The following REV1 variants were observed in gnomAD, a reference collection of about 807,000 sequenced individuals.
The protein encoded by REV1 is REV1 DNA directed polymerase, also known as translesion synthesis protein REV1.
REV1 carries 42 observed loss-of-function variants against 137.4 expected under a neutral mutation model. The observed-to-expected ratio is 0.31, with a 90% CI of 0.24 to 0.40. REV1 has a LOEUF of 0.40. Among genes scored for constraint, REV1 ranks in the 10% least tolerant of loss-of-function variants. The pLI, the probability that REV1 is intolerant of heterozygous loss-of-function variation, is 1.00. For synonymous variants in REV1, 524 were observed against 519.2 expected, an observed-to-expected ratio of 1.01 and a Z score of -0.12; for missense variants, 1,282 against 1,490.1, an observed-to-expected ratio of 0.86 and a Z score of 2.30.
Position 99,408,069 on chromosome 2 carries a change from A to T in REV1, c.2408T>A (p.Met803Lys). 6.2e-7 allele frequency: 1 copy of T among 1,610,548 alleles called. No individual in the cohort carries two copies. The highest frequency in any genetic ancestry group is 8.5e-7 in the Non-Finnish European group (1 of 1,178,146). The part of the protein sequence containing the change: ...AKIIGKAMLN[M>K]FHTMKLNISD... ...TATATTTAGTTTCATTGTATGAAAC[A>T]TGTTTAGCATCGCCTTTCCAATTAT... is the stretch of plus-strand genomic sequence containing the variant. Residue 803 changes from methionine to lysine, a missense_variant, in exon 15 of 23, where the codon ATG (methionine) becomes AAG (lysine). Met to Lys is a moderately conservative substitution (Grantham distance 95, BLOSUM62 -1). Coordinates refer to ENST00000258428, the MANE Select transcript of REV1 (RefSeq NM_016316.4).
intron 1 of REV1, among the ~76,000 whole-genome samples, chr2:99,475,172 G>C (rs1040551920): frequency 1.3e-5 from 2 of 152,146 alleles, no homozygotes; most frequent in Non-Finnish European, 2.9e-5. Context: ...AGGAACAAAG[G>C]AGACAGGGTC....
intron 1 of REV1, among the ~76,000 whole-genome samples, chr2:99,489,493 G>A (rs1471113360): frequency 7.1e-6 from 1 of 139,898 alleles, no homozygotes; most frequent in African/African-American, 2.7e-5. Flanking sequence ...GCGGAGGGAA[G>A]GGCCGCTGCG....
Position 99,412,763 on chromosome 2 carries a change from C to A in REV1, c.2140G>T (p.Ala714Ser). The A allele has an allele frequency of 6.2e-7, 1 of 1,614,092 alleles. No homozygotes were observed. The highest frequency in any genetic ancestry group is 1.3e-5 in the African/African-American group (1 of 75,054). The change falls in exon 13 of 23, where the codon GCT (alanine) becomes TCT (serine). Residue 714 changes from alanine to serine, a missense_variant. Around this residue, in one of 7 missense-constraint regions of REV1, gnomAD observed 372 missense variants for 482.3 expected, o/e 0.77. Transcript: ENST00000258428. The part of the protein sequence containing the change: ...RTEKERKSVS[A>S]EINYGIRFTQ... ...AACCTTATTCCATAGTTGATCTCAG[C>A]TGAAACAGATTTTCTTTCCTTTTCA...
intron 1 of REV1, among the ~76,000 whole-genome samples, chr2:99,473,934 C>G (rs1685696714): frequency 6.6e-6 from 1 of 152,176 alleles, no homozygotes; most frequent in Non-Finnish European, 1.5e-5. Flanking sequence ...GTACAGTATG[C>G]AATCCTGCTA....
intron 12 of REV1, among the ~76,000 whole-genome samples, chr2:99,416,664 T>G (rs186112770): frequency 2.0e-5 from 3 of 152,184 alleles, no homozygotes; most frequent in Admixed American, 2.0e-4. Context: ...CGGTGGCTCA[T>G]GCCTATAATC....
chr2:99,421,549 A>T lies in REV1; in HGVS notation c.1781T>A (p.Val594Asp). The T allele has an allele frequency of 6.2e-7, 1 of 1,614,116 alleles. No homozygotes were observed. Among genetic ancestry groups the T allele is most frequent in the Non-Finnish European group, 8.5e-7 (1 of 1,179,988 alleles). ...CGTCTGGTCTTTGATTTCCATACGA[A>T]CAGCATTTGCAAATTCATCAGGAGT... ...KLTPDEFANA[V>D]RMEIKDQTKC... Residue 594 changes from valine (V) to aspartate (D), a missense_variant, in exon 11 of 23, where the codon GTT becomes GAT. Transcript: ENST00000258428.
Position 99,418,808 on chromosome 2 carries a change from GT to G in REV1, c.1951+19del. 6.3e-7 allele frequency: 1 copy of G among 1,599,626 alleles called. No individual in the cohort carries two copies. Among genetic ancestry groups the G allele is most frequent in the South Asian group, 1.1e-5 (1 of 90,376 alleles). ...TTGTAATGCCTGTAATAAAAGTATT[GT>G]TAAAATATTTCTATTTACCTGGTAG... On this transcript the variant is annotated intron_variant, in intron 12 of 22. Transcript: ENST00000258428.
chr2:99,483,874 CT>C (rs1686877432), intron 1 of REV1, among the ~76,000 whole-genome samples: 1 of 152,058 alleles, frequency 6.6e-6, no homozygotes, highest in African/African-American at 2.4e-5. Flanking sequence ...TCTCACTTTC[CT>C]CCAGTAAGAT....
At chr2:99,455,643 G>A (rs183764497) in intron 3 of REV1, among the ~76,000 whole-genome samples, 238 of 152,200 alleles carry the variant, frequency 1.6e-3, no homozygotes, top group African/African-American at 5.6e-3. Context: ...GAGTCTCACA[G>A]GAAATGGAAG....
intron 6 of REV1, among the ~76,000 whole-genome samples, chr2:99,437,286 T>C (rs979741881): frequency 2.6e-5 from 4 of 152,104 alleles, no homozygotes; most frequent in African/African-American, 9.7e-5. Flanking sequence ...CCCAGCCTGC[T>C]CATGTATTCT....
rs766635378 is a variant in REV1, at chr2:99,403,676, T to C, written c.3166+19A>G. On this transcript the variant is annotated intron_variant, in intron 19 of 22. Coordinates refer to ENST00000258428, the MANE Select transcript of REV1 (RefSeq NM_016316.4). ...ACTCTTTGTCTTCATTTTTGTTACA[T>C]GCCACTTCCAAGGCTCACCAGATGC... The C allele has an allele frequency of 8.7e-6, 14 of 1,614,032 alleles. No homozygotes were observed. The East Asian group carries it at 2.4e-4, about 28-fold the overall frequency.
chr2:99,421,564 T>C lies in REV1; in HGVS notation c.1766A>G (p.Glu589Gly). Reference protein sequence around the residue: ...ILAETKLTPDEFANAVRMEIK... With the variant: ...ILAETKLTPDGFANAVRMEIK... ...TTCCATACGAACAGCATTTGCAAAT[T>C]CATCAGGAGTAAGTTTGGTCTCTGC... Residue 589 changes from glutamate (E) to glycine (G), a missense_variant, in exon 11 of 23, where the codon GAA (glutamate) becomes GGA (glycine). Physicochemically the swap from Glu to Gly is moderately conservative, Grantham distance 98. Transcript: ENST00000258428. 1 of 1,614,078 alleles carries C rather than the reference T, an allele frequency of 6.2e-7. No individual in the cohort carries two copies. Among genetic ancestry groups the C allele is most frequent in the Non-Finnish European group, 8.5e-7 (1 of 1,179,978 alleles).
intron 9 of REV1, 140 bp from the exon 10 acceptor site, chr2:99,424,420 CA>C (rs1679072872): frequency 1.1e-6 from 1 of 923,858 alleles, no homozygotes. Context: ...TAAAGATAGG[CA>C]TTAAAATTTA....
intron 3 of REV1, among the ~76,000 whole-genome samples, chr2:99,461,181 T>A (rs1435969384): frequency 6.6e-6 from 1 of 152,252 alleles, no homozygotes; most frequent in Non-Finnish European, 1.5e-5. Context: ...ATTCTTGGAC[T>A]AAATTCATCA....
chr2:99,486,217 T>C (rs1202973233), intron 1 of REV1, among the ~76,000 whole-genome samples: 1 of 152,208 alleles, frequency 6.6e-6, no homozygotes, highest in East Asian at 1.9e-4. Flanking sequence ...TTTCAAATAG[T>C]TCCTAGAAGG....
rs1218647464 is a variant in REV1 at position 99,401,032 on chromosome 2, G to C, written c.*209C>G. 11 of 355,676 alleles carry C rather than the reference G, an allele frequency of 3.1e-5. No individual in the cohort carries two copies. The East Asian group carries it at 4.8e-4, about 16-fold the overall frequency. The allele number at this position is 355,676 out of a possible 1,614,324, so 22.0% of individuals were successfully genotyped here. A position where few individuals can be genotyped will look rare whatever the true frequency, so the allele number is the denominator to read the frequency against. On this transcript the variant is annotated 3_prime_UTR_variant, in exon 23 of 23. Transcript: ENST00000258428. ...TTTATAAACAAACATTTTGTAAATA[G>C]AATCTATGCTACAGTAAAATAATTA...
intron 3 of REV1, among the ~76,000 whole-genome samples, chr2:99,459,614 G>A (rs1683948670): frequency 2.0e-5 from 3 of 152,046 alleles, no homozygotes; most frequent in Admixed American, 6.5e-5. Flanking sequence ...CCTGAGGAGA[G>A]AGGATGGCTT....
In REV1 at chr2:99,401,102, A is replaced by AAAAG. The variant is rs1379715691; in HGVS notation, c.*135_*138dup. The AAAAG allele has an allele frequency of 5.9e-6, 3 of 505,678 alleles. No individual in the cohort carries two copies. Among genetic ancestry groups the AAAAG allele is most frequent in the African/African-American group, 3.8e-5 (2 of 52,570 alleles). 31.3% of individuals were successfully genotyped at this position (505,678 alleles called of 1,614,324 possible). A position where few individuals can be genotyped will look rare whatever the true frequency, so the allele number is the denominator to read the frequency against. Reference sequence around the variant, plus strand: ...ATACTGACAAATTTGGCACTTTTTGAAAAGAAATGTACAAAACACTTGCTT... The same window carrying AAAAG: ...ATACTGACAAATTTGGCACTTTTTGAAAAGAAAGAAATGTACAAAACACTTGCTT... On this transcript the variant is annotated 3_prime_UTR_variant, in exon 23 of 23. Coordinates refer to ENST00000258428, the MANE Select transcript of REV1 (RefSeq NM_016316.4).
intron 4 of REV1, among the ~76,000 whole-genome samples, chr2:99,445,378 T>C (rs1169886059): frequency 6.6e-6 from 1 of 152,216 alleles, no homozygotes; most frequent in African/African-American, 2.4e-5. Flanking sequence ...CAATAAATTA[T>C]CATTCTGTCT....
Sources: gnomAD v4.1 joint callset for allele counts (sites outside exome capture counted in the v4.1 genomes callset) on GRCh38, gnomAD v4.1.1 for gene constraint, gnomAD v4.1.1 regional missense constraint, MANE v1.5 for transcripts, NCBI Gene and HGNC (gene_info 2026-07-23, HGNC 2026-07-21) for gene names.